Variants in RBMS1 observed in about 807,000 individuals in gnomAD.
RBMS1 encodes the protein RNA binding motif single stranded interacting protein 1.
A neutral mutation model predicts 62.3 loss-of-function variants in RBMS1; 17 were observed. The observed-to-expected ratio is 0.27, with a 90% CI of 0.19 to 0.41. The LOEUF is 0.41. Among genes scored for constraint, RBMS1 ranks in the 10% least tolerant of loss-of-function variants. The pLI is 1.00. For missense variants in RBMS1, 334 were observed against 504.5 expected (o/e 0.66, Z 3.24); for synonymous variants, 172 against 170.0 (o/e 1.01, Z -0.09).
chr2:160,324,009 T>C (rs1690741559), intron 2 of RBMS1, among the ~76,000 whole-genome samples: 1 of 152,238 alleles, frequency 6.6e-6, no homozygotes, highest in African/African-American at 2.4e-5. Context: ...AGTTTGCACT[T>C]AGTATATAAA....
At position 160,361,002 on chromosome 2, in the gene RBMS1, G is replaced by C. The variant is rs549805445; in HGVS notation, c.251+6214C>G. On this transcript the variant is annotated intron_variant, in intron 2 of 13. Transcript: ENST00000348849. ...TTTCAAAAATATTTCATTTTAAATA[G>C]TAACAGGCTATCATATCATAAGCTA... Among the ~76,000 whole-genome samples the C allele has an allele frequency of 8.1e-4, 123 of 152,246 alleles. 3 individuals carry two copies. In the South Asian group the frequency reaches 0.025, roughly 32 times the overall value.
At chr2:160,383,096 A>G (rs190634924) in intron 1 of RBMS1, among the ~76,000 whole-genome samples, 15 of 152,322 alleles carry the variant, frequency 9.8e-5, no homozygotes, top group Admixed American at 9.8e-4. Flanking sequence ...ACCAATTACT[A>G]CGAACTGGGT....
At chr2:160,330,327 T>C (rs1331009440) in intron 2 of RBMS1, among the ~76,000 whole-genome samples, 1 of 152,200 alleles carries the variant, frequency 6.6e-6, no homozygotes, top group Non-Finnish European at 1.5e-5. Flanking sequence ...ATATGCCATA[T>C]AGCTCTGTTC....
rs928567739 is a variant in RBMS1, at chr2:160,274,595, C to A, written c.*177G>T. 2.0e-5 allele frequency: 3 copies of A among 148,096 alleles called. No homozygotes were observed. Among genetic ancestry groups the A allele is most frequent in the African/African-American group, 7.5e-5 (3 of 39,860 alleles). 9.2% of individuals were successfully genotyped at this position (148,096 alleles called of 1,614,324 possible). On this transcript the variant is annotated 3_prime_UTR_variant, in exon 14 of 14. Coordinates refer to ENST00000348849, the MANE Select transcript of RBMS1 (RefSeq NM_016836.4). ...ACTAGATGAATTTAAGGGTTTTATG[C>A]ACCTTATAGAACTTATAGCAAAAAT...
intron 6 of RBMS1, among the ~76,000 whole-genome samples, chr2:160,298,145 G>A (rs1254970360): frequency 6.6e-6 from 1 of 152,186 alleles, no homozygotes; most frequent in Non-Finnish European, 1.5e-5. Context: ...TAATCAGAAA[G>A]AAAAATTTGG....
intron 1 of RBMS1, among the ~76,000 whole-genome samples, chr2:160,448,496 G>A (rs1683775277): frequency 3.3e-5 from 5 of 152,200 alleles, no homozygotes; most frequent in Admixed American, 1.3e-4. Context: ...GGGTTTCCCC[G>A]TGTTGGCCGG....
At chr2:160,276,314 T>C (rs1257175104) in intron 12 of RBMS1, among the ~76,000 whole-genome samples, 1 of 152,048 alleles carries the variant, frequency 6.6e-6, no homozygotes, top group African/African-American at 2.4e-5. Flanking sequence ...TGTCAGTAAT[T>C]GCACAAACAG....
intron 1 of RBMS1, among the ~76,000 whole-genome samples, chr2:160,417,137 G>A (rs760344051): frequency 7.9e-5 from 12 of 151,964 alleles, no homozygotes; most frequent in Non-Finnish European, 1.5e-4. Context: ...TTTCTTGCGC[G>A]TGCACACACA....
intron 1 of RBMS1, among the ~76,000 whole-genome samples, chr2:160,387,243 C>T (rs1694627398): frequency 6.6e-6 from 1 of 151,792 alleles, no homozygotes; most frequent in Non-Finnish European, 1.5e-5. Context: ...TGCGGTGATG[C>T]TAGTAAATGG....
intron 1 of RBMS1, among the ~76,000 whole-genome samples, chr2:160,398,579 T>A (rs557265482): frequency 1.3e-5 from 2 of 152,342 alleles, no homozygotes; most frequent in East Asian, 3.9e-4. Flanking sequence ...GAAACTGAGC[T>A]GGACACTGCA....
rs146724062 is a variant in RBMS1, at chr2:160,378,492, G to C, written c.76-11101C>G. ...TAGCTGGGTGTGGTGGTTCACACCT[G>C]TGTCCAACTACTGGGGAAGCTGAGG... On this transcript the variant is annotated intron_variant, in intron 1 of 13. Transcript: ENST00000348849. 3.3e-3 allele frequency among the ~76,000 whole-genome samples: 507 copies of C among 152,150 alleles called. 4 individuals are homozygous for C. Among genetic ancestry groups the C allele is most frequent in the African/African-American group, 0.012 (483 of 41,486 alleles).
At chr2:160,404,435 T>C (rs1695590471) in intron 1 of RBMS1, among the ~76,000 whole-genome samples, 1 of 152,132 alleles carries the variant, frequency 6.6e-6, no homozygotes, top group African/African-American at 2.4e-5. Flanking sequence ...CTACTGTGGA[T>C]TAAAAATATT....
chr2:160,485,165 C>T (rs1264111195), intron 1 of RBMS1, among the ~76,000 whole-genome samples: 3 of 152,106 alleles, frequency 2.0e-5, no homozygotes, highest in Admixed American at 6.5e-5. Context: ...GAGGCCAGCA[C>T]AAGAAAACAG....
At chr2:160,303,604 C>A in intron 4 of RBMS1, 117 bp from the exon 5 acceptor site, 2 of 1,098,976 alleles carry the variant, frequency 1.8e-6, no homozygotes, top group South Asian at 1.6e-5. Flanking sequence ...GTACTCAGAA[C>A]CTCAGAACAC....
At chr2:160,422,698 G>T (rs1696482933) in intron 1 of RBMS1, among the ~76,000 whole-genome samples, 1 of 144,078 alleles carries the variant, frequency 6.9e-6, no homozygotes, top group South Asian at 2.2e-4. Context: ...ATTCAAGTTT[G>T]TTATTTCTAG....
intron 6 of RBMS1, among the ~76,000 whole-genome samples, chr2:160,291,614 T>G (rs1194698278): frequency 6.6e-6 from 1 of 152,186 alleles, no homozygotes; most frequent in Non-Finnish European, 1.5e-5. Flanking sequence ...CCGAGGCTGT[T>G]TAGGTTTCTC....
intron 1 of RBMS1, 110 bp downstream of exon 1, chr2:160,493,179 C>A: frequency 1.8e-6 from 2 of 1,097,436 alleles, no homozygotes; most frequent in South Asian, 2.9e-5. Context: ...TCCAGCAACT[C>A]CGCCCGGCGG....
chr2:160,428,244 T>C (rs1481153142), intron 1 of RBMS1, among the ~76,000 whole-genome samples: 2 of 152,138 alleles, frequency 1.3e-5, no homozygotes. Flanking sequence ...AAATGTAGCC[T>C]GGCAAAAAAC....
chr2:160,431,208 T>C (rs1211505555), intron 1 of RBMS1, among the ~76,000 whole-genome samples: 1 of 149,036 alleles, frequency 6.7e-6, no homozygotes, highest in African/African-American at 2.5e-5. Flanking sequence ...TAGTTTATTC[T>C]GAAAATCTGC....
Sources: allele counts gnomAD v4.1 joint callset (sites outside exome capture counted in the v4.1 genomes callset), GRCh38; gene constraint gnomAD v4.1.1; transcripts MANE v1.5; gene names NCBI Gene and HGNC (gene_info 2026-07-23, HGNC 2026-07-21).